The following PTPRD variants were observed in gnomAD, a reference collection of about 807,000 sequenced individuals.
PTPRD encodes the protein receptor-type tyrosine-protein phosphatase delta.
PTPRD carries 34 observed loss-of-function variants against 214.5 expected under a neutral mutation model. The ratio of observed to expected loss-of-function variants is 0.16; its 90% confidence interval spans 0.12 to 0.21. PTPRD has a LOEUF of 0.21. Ranked by LOEUF, PTPRD falls within the 10% of genes least tolerant of loss-of-function variation. The pLI is 1.00. For synonymous variants in PTPRD, 1,128 were observed against 845.7 expected, an observed-to-expected ratio of 1.33 and a Z score of -5.79; for missense variants, 2,545 against 2,398.7, an observed-to-expected ratio of 1.06 and a Z score of -1.27.
chr9:10,008,893 T>C (rs1389695175), intron 4 of PTPRD, among the ~76,000 whole-genome samples: 1 of 151,914 alleles, frequency 6.6e-6, no homozygotes, highest in Non-Finnish European at 1.5e-5. Context: ...TAAAAATGAG[T>C]AAATAAATTG....
intron 4 of PTPRD, among the ~76,000 whole-genome samples, chr9:9,970,343 G>C (rs990085760): frequency 2.7e-5 from 4 of 150,892 alleles, no homozygotes; most frequent in African/African-American, 9.8e-5. Flanking sequence ...CCAGCTACTC[G>C]GGAGGCTGAG....
intron 9 of PTPRD, among the ~76,000 whole-genome samples, chr9:9,195,240 T>C (rs12000334): frequency 0.45 from 68,366 of 151,598 alleles, 16,127 homozygotes; most frequent in East Asian, 0.78. Flanking sequence ...AGGTAACTTA[T>C]GTGGAATCTC....
intron 3 of PTPRD, among the ~76,000 whole-genome samples, chr9:10,319,605 T>C (rs181873352): frequency 4.6e-5 from 7 of 152,176 alleles, no homozygotes; most frequent in Admixed American, 4.6e-4. Flanking sequence ...ATAAAATTCA[T>C]TTTCACCACA....
intron 35 of PTPRD, among the ~76,000 whole-genome samples, chr9:8,421,843 T>G (rs991679397): frequency 6.7e-6 from 1 of 150,118 alleles, no homozygotes; most frequent in Non-Finnish European, 1.5e-5. Context: ...TCACTGAACT[T>G]TTTTTTTTTA....
chr9:8,829,074 T>C (rs1302828221), intron 11 of PTPRD, among the ~76,000 whole-genome samples: 1 of 152,212 alleles, frequency 6.6e-6, no homozygotes, highest in African/African-American at 2.4e-5. Context: ...TAATCACTAC[T>C]AATGTTTCCT....
intron 2 of PTPRD, among the ~76,000 whole-genome samples, chr9:10,561,094 C>T (rs553033391): frequency 1.3e-5 from 2 of 152,150 alleles, no homozygotes; most frequent in South Asian, 4.1e-4. Context: ...GACTTCAATG[C>T]AAAAATGACA....
At chr9:10,433,860 A>G (rs186049352) in intron 2 of PTPRD, among the ~76,000 whole-genome samples, 2 of 152,010 alleles carry the variant, frequency 1.3e-5, no homozygotes, top group Admixed American at 1.3e-4. Context: ...AGGAATCTAT[A>G]GGTTCTTTTA....
At chr9:8,397,632 G>A (rs550166044) in intron 36 of PTPRD, among the ~76,000 whole-genome samples, 3 of 152,244 alleles carry the variant, frequency 2.0e-5, no homozygotes, top group East Asian at 3.9e-4. Context: ...CTTACCCACA[G>A]AACACTCTGC....
At chr9:9,330,074 T>C (rs2041733544) in intron 9 of PTPRD, among the ~76,000 whole-genome samples, 1 of 152,098 alleles carries the variant, frequency 6.6e-6, no homozygotes. Context: ...AGAAACATAA[T>C]GCCCTTTAGC....
chr9:9,640,086 G>A lies in PTPRD; in HGVS notation c.-286-65305C>T, dbSNP rs1041473759. Among the ~76,000 whole-genome samples, 9 of 152,074 alleles carry A rather than the reference G, an allele frequency of 5.9e-5. No individual in the cohort carries two copies. In the East Asian group the frequency reaches 1.4e-3, roughly 23 times the overall value. On this transcript the variant is annotated intron_variant, in intron 7 of 45. Transcript: ENST00000381196. ...TGATTTCATCTTAGAGACCCATACCGAAACTTTCAGCCCATGTGGGATGAG... is the reference window on the plus strand; with the variant it reads ...TGATTTCATCTTAGAGACCCATACCAAAACTTTCAGCCCATGTGGGATGAG...
At chr9:9,586,987 T>G (rs1393017690) in intron 7 of PTPRD, among the ~76,000 whole-genome samples, 1 of 151,974 alleles carries the variant, frequency 6.6e-6, no homozygotes, top group Admixed American at 6.6e-5. Flanking sequence ...CACTCTCTCC[T>G]GTGATGTTGA....
intron 12 of PTPRD, among the ~76,000 whole-genome samples, chr9:8,718,038 G>A (rs1434307490): frequency 1.1e-4 from 16 of 152,192 alleles, no homozygotes; most frequent in Admixed American, 6.5e-5. Context: ...AGTGGATGAA[G>A]ACAGCAGAAA....
At chr9:10,274,639 G>A (rs559058765) in intron 3 of PTPRD, among the ~76,000 whole-genome samples, 2 of 152,276 alleles carry the variant, frequency 1.3e-5, no homozygotes, top group South Asian at 4.1e-4. Flanking sequence ...ATTGCTCATA[G>A]TTACAAATGT....
intron 7 of PTPRD, among the ~76,000 whole-genome samples, chr9:9,575,355 C>T (rs2088134297): frequency 6.6e-6 from 1 of 151,892 alleles, no homozygotes; most frequent in South Asian, 2.1e-4. Context: ...AATAATTATG[C>T]TAGTTATTAT....
intron 8 of PTPRD, among the ~76,000 whole-genome samples, chr9:9,423,208 G>A (rs10124125): frequency 0.81 from 122,550 of 152,088 alleles, 49,503 homozygotes; most frequent in Non-Finnish European, 0.81. Flanking sequence ...TGTCCTCCTC[G>A]AAATGAAGCC....
At chr9:8,676,722 C>A (rs1285313107) in intron 12 of PTPRD, among the ~76,000 whole-genome samples, 1 of 152,108 alleles carries the variant, frequency 6.6e-6, no homozygotes, top group East Asian at 1.9e-4. Context: ...TACAGGCATG[C>A]GCCACCATGC....
chr9:9,842,670 G>GTT (rs71485305), intron 5 of PTPRD, among the ~76,000 whole-genome samples: 12 of 138,018 alleles, frequency 8.7e-5, no homozygotes, highest in South Asian at 2.3e-4. Context: ...TAAAAAAGTT[G>GTT]TTTTTTTTTT....
chr9:10,152,549 G>A (rs1400878707), intron 3 of PTPRD, among the ~76,000 whole-genome samples: 1 of 152,174 alleles, frequency 6.6e-6, no homozygotes, highest in Non-Finnish European at 1.5e-5. Context: ...AATCAGGCCA[G>A]GTGTGGTGGC....
At chr9:10,017,715 T>C (rs1359777558) in intron 4 of PTPRD, among the ~76,000 whole-genome samples, 2 of 152,080 alleles carry the variant, frequency 1.3e-5, no homozygotes, top group Non-Finnish European at 2.9e-5. Context: ...GGAATCTGTA[T>C]TCTGTTCTTT....
Sources: gnomAD v4.1 joint callset for allele counts (sites outside exome capture counted in the v4.1 genomes callset) on GRCh38, gnomAD v4.1.1 for gene constraint, MANE v1.5 for transcripts, NCBI Gene and HGNC (gene_info 2026-07-23, HGNC 2026-07-21) for gene names.